The following MTUS2 variants were observed in gnomAD, a reference collection of about 807,000 sequenced individuals.
The protein encoded by MTUS2 is microtubule associated scaffold protein 2.
A neutral mutation model predicts 114.1 loss-of-function variants in MTUS2; 40 were observed. The ratio of observed to expected loss-of-function variants is 0.35; its 90% CI spans 0.27 to 0.46. MTUS2 has a LOEUF of 0.46. Among genes scored for constraint, MTUS2 ranks in the 20% least tolerant of loss-of-function variants. The probability of loss-of-function intolerance (pLI) is 1.00; values close to 1 mark genes in which losing one functional copy is unlikely to be tolerated. For missense variants in MTUS2, 1,679 were observed against 1,705.4 expected (o/e 0.98, Z 0.27); for synonymous variants, 688 against 672.0 (o/e 1.02, Z -0.37).
intron 5 of MTUS2, among the ~76,000 whole-genome samples, chr13:29,168,753 C>G: frequency 6.6e-6 from 1 of 152,134 alleles, no homozygotes; most frequent in East Asian, 1.9e-4. Flanking sequence ...GCCCTTAGTA[C>G]CAGTATTCCA....
At chr13:28,835,373 G>A (rs1875006971) in intron 1 of MTUS2, among the ~76,000 whole-genome samples, 1 of 152,272 alleles carries the variant, frequency 6.6e-6, no homozygotes. Context: ...AACTTTGAAA[G>A]CATTTTGTTA....
intron 5 of MTUS2, among the ~76,000 whole-genome samples, chr13:29,227,944 A>G (rs1168182718): frequency 6.6e-6 from 1 of 152,198 alleles, no homozygotes; most frequent in Non-Finnish European, 1.5e-5. Flanking sequence ...AAACATATCC[A>G]GTTTTATATT....
chr13:29,269,059 G>A (rs1033667983), intron 5 of MTUS2, among the ~76,000 whole-genome samples: 2 of 152,158 alleles, frequency 1.3e-5, no homozygotes, highest in Non-Finnish European at 2.9e-5. Context: ...TTGGACAGGG[G>A]CAGGACAGGA....
chr13:28,975,450 C>T lies in MTUS2; in HGVS notation c.-242-49007C>T, dbSNP rs965581491. The stretch of plus-strand genomic sequence containing the variant: ...CTTCTTCGGCAGTTTACTCACTGGG[C>T]GTTTCCAATCTCGCCTGCGGCAGCA... On this transcript the variant is annotated intron_variant, in intron 2 of 15. Transcript: ENST00000612955. Among the ~76,000 whole-genome samples the T allele has an allele frequency of 5.8e-4, 88 of 151,896 alleles. 1 individual carries two copies. Among genetic ancestry groups the T allele is most frequent in the African/African-American group, 2.0e-3 (83 of 41,398 alleles).
At chr13:28,938,329 T>C (rs1177031153) in intron 2 of MTUS2, among the ~76,000 whole-genome samples, 1 of 151,058 alleles carries the variant, frequency 6.6e-6, no homozygotes, top group Non-Finnish European at 1.5e-5. Context: ...TGCAGTGAGC[T>C]GAGATTGTGC....
chr13:28,854,510 C>T (rs1359416666), intron 2 of MTUS2, among the ~76,000 whole-genome samples: 1 of 152,136 alleles, frequency 6.6e-6, no homozygotes, highest in Non-Finnish European at 1.5e-5. Flanking sequence ...TTCCCCTCTG[C>T]GTTGTTAGTC....
At chr13:29,461,356 T>A (rs1879478994) in intron 9 of MTUS2, among the ~76,000 whole-genome samples, 1 of 152,210 alleles carries the variant, frequency 6.6e-6, no homozygotes, top group South Asian at 2.1e-4. Context: ...CATTGGGGAT[T>A]AAGCTCCTAA....
intron 4 of MTUS2, 59 bp from the exon 5 acceptor site, chr13:29,100,714 A>G: frequency 1.3e-6 from 2 of 1,524,064 alleles, no homozygotes; most frequent in Non-Finnish European, 1.8e-6. Context: ...AATCTGTAGA[A>G]TTCATTATCT....
intron 2 of MTUS2, among the ~76,000 whole-genome samples, chr13:28,968,657 T>C (rs1449801660): frequency 6.6e-6 from 1 of 152,190 alleles, no homozygotes; most frequent in Non-Finnish European, 1.5e-5. Flanking sequence ...TCATGTCCTA[T>C]TTATGAGTTT....
At chr13:29,057,373 CTGTCTAAT>C (rs1888185425) in intron 4 of MTUS2, among the ~76,000 whole-genome samples, 1 of 152,078 alleles carries the variant, frequency 6.6e-6, no homozygotes. Flanking sequence ...TCTCAATGAT[CTGTCTAAT>C]ACTATTAGTG....
intron 2 of MTUS2, among the ~76,000 whole-genome samples, chr13:28,956,683 T>C (rs1883083387): frequency 6.6e-6 from 1 of 151,926 alleles, no homozygotes; most frequent in Admixed American, 6.6e-5. Flanking sequence ...ACTTGGAGGA[T>C]TAAAGGGAGA....
intron 5 of MTUS2, among the ~76,000 whole-genome samples, chr13:29,208,035 A>C (rs1385032427): frequency 4.6e-5 from 7 of 152,150 alleles, no homozygotes; most frequent in Admixed American, 3.9e-4. Context: ...CATAGAATTC[A>C]ACTGTGAACT....
At chr13:29,373,628 T>G (rs1026899689) in intron 8 of MTUS2, among the ~76,000 whole-genome samples, 2 of 152,172 alleles carry the variant, frequency 1.3e-5, no homozygotes, top group African/African-American at 4.8e-5. Context: ...GGGAGGCACA[T>G]GAGGTATGGA....
intron 2 of MTUS2, among the ~76,000 whole-genome samples, chr13:28,997,417 A>G (rs1013444629): frequency 1.3e-5 from 2 of 152,204 alleles, no homozygotes; most frequent in African/African-American, 4.8e-5. Flanking sequence ...TGCCTGGTGC[A>G]GAGCTGAGTT....
intron 2 of MTUS2, among the ~76,000 whole-genome samples, chr13:28,917,776 T>A (rs1472312240): frequency 6.6e-6 from 1 of 151,984 alleles, no homozygotes; most frequent in African/African-American, 2.4e-5. Flanking sequence ...TTTGGCTTGC[T>A]CTTGCTTTTC....
intron 8 of MTUS2, among the ~76,000 whole-genome samples, chr13:29,407,055 G>A (rs1429978123): frequency 6.6e-6 from 1 of 152,160 alleles, no homozygotes; most frequent in African/African-American, 2.4e-5. Flanking sequence ...GACCAGCCTG[G>A]CCAACATGGT....
chr13:29,480,467 C>T lies in MTUS2; in HGVS notation c.3399+103C>T, dbSNP rs1881079528. ...CAAGAAGTCCTATTCAGTAGGTGAGCTTTCTGAACAGTTCACTTTCTGAGT... is the reference window on the plus strand; with the variant it reads ...CAAGAAGTCCTATTCAGTAGGTGAGTTTTCTGAACAGTTCACTTTCTGAGT... On this transcript the variant is annotated intron_variant, in intron 10 of 15. Coordinates refer to ENST00000612955, the MANE Select transcript of MTUS2 (RefSeq NM_001033602.4). The surrounding 1 kb of genome is among the most constrained non-coding windows in gnomAD (Gnocchi z 4.4). 13 of 1,236,724 alleles carry T rather than the reference C, an allele frequency of 1.1e-5. No homozygotes were observed. Among genetic ancestry groups the T allele is most frequent in the Non-Finnish European group, 1.1e-5 (10 of 912,896 alleles). The allele number at this position is 1,236,724 out of a possible 1,614,324, so 76.6% of individuals were successfully genotyped here.
intron 9 of MTUS2, among the ~76,000 whole-genome samples, chr13:29,453,753 G>C (rs548581751): frequency 7.4e-6 from 1 of 135,056 alleles, no homozygotes; most frequent in Non-Finnish European, 1.6e-5. Context: ...TTTCCATATG[G>C]CTATCTCTAA....
intron 2 of MTUS2, among the ~76,000 whole-genome samples, chr13:29,007,132 AT>A (rs761197833): frequency 1.3e-5 from 2 of 152,204 alleles, no homozygotes; most frequent in Non-Finnish European, 2.9e-5. Flanking sequence ...CACAAGGTAG[AT>A]TTTTTTAATG....
Sources: allele counts gnomAD v4.1 joint callset (sites outside exome capture counted in the v4.1 genomes callset), GRCh38; gene constraint gnomAD v4.1.1; non-coding constraint Gnocchi (gnomAD v3.1); transcripts MANE v1.5; gene names NCBI Gene and HGNC (gene_info 2026-07-23, HGNC 2026-07-21).